The following GNG2 variants were observed in gnomAD, a reference collection of about 807,000 sequenced individuals.
The protein encoded by GNG2 is guanine nucleotide-binding protein G(I)/G(S)/G(O) subunit gamma-2.
A neutral mutation model predicts 5.5 loss-of-function variants in GNG2; 5 were observed. The ratio of observed to expected loss-of-function variants is 0.91; its 90% CI spans 0.48 to 1.92. The LOEUF is 1.92. GNG2 is among the 30% of genes most tolerant of loss of function. The pLI is 0.01. For synonymous variants in GNG2, 28 were observed against 32.0 expected (o/e 0.88, Z 0.42); for missense variants, 55 against 88.4 (o/e 0.62, Z 1.52).
chr14:51,934,087 T>G (rs1048577160), intron 2 of GNG2, among the ~76,000 whole-genome samples: 1 of 152,150 alleles, frequency 6.6e-6, no homozygotes, highest in African/African-American at 2.4e-5. Flanking sequence ...TCAGCCAGTA[T>G]GATGGAGAAA....
At chr14:51,894,942 A>G (rs1594886909) in intron 2 of GNG2, among the ~76,000 whole-genome samples, 1 of 152,140 alleles carries the variant, frequency 6.6e-6, no homozygotes, top group Non-Finnish European at 1.5e-5. Context: ...AAAATCTTCA[A>G]TAACATAGCC....
intron 2 of GNG2, among the ~76,000 whole-genome samples, chr14:51,890,009 T>C (rs958677601): frequency 1.1e-4 from 16 of 152,006 alleles, no homozygotes; most frequent in African/African-American, 3.9e-4. Context: ...TACAACTGAG[T>C]GAGTAAAATA....
At chr14:51,935,062 T>C (rs1887904926) in intron 2 of GNG2, among the ~76,000 whole-genome samples, 1 of 148,896 alleles carries the variant, frequency 6.7e-6, no homozygotes, top group South Asian at 2.1e-4. Flanking sequence ...TCTCGCTCTG[T>C]TGCCCAGGCC....
At chr14:51,852,770 C>T (rs1256245556) in intron 2 of GNG2, among the ~76,000 whole-genome samples, 2 of 152,204 alleles carry the variant, frequency 1.3e-5, no homozygotes, top group African/African-American at 4.8e-5. Context: ...TAACGGAAAT[C>T]ATTTTAGCAA....
At chr14:51,859,552 T>A (rs1306657292), upstream of GNG2, among the ~76,000 whole-genome samples, 1 of 152,218 alleles carries the variant, frequency 6.6e-6, no homozygotes, top group East Asian at 1.9e-4. Flanking sequence ...ATTAGCACCT[T>A]GTATACCATC....
At chr14:51,960,062 AAAT>A (rs1370641994) in intron 3 of GNG2, among the ~76,000 whole-genome samples, 1 of 151,988 alleles carries the variant, frequency 6.6e-6, no homozygotes, top group East Asian at 1.9e-4. Flanking sequence ...TTATATCTTC[AAAT>A]ATTTTTTCTT....
At chr14:51,838,458 G>A (rs2884135) in intron 2 of GNG2, among the ~76,000 whole-genome samples, 40,410 of 151,800 alleles carry the variant, frequency 0.27, 6,471 homozygotes, top group Non-Finnish European at 0.37. Flanking sequence ...AAAAAAGGGG[G>A]GGTTATTAAT....
intron 2 of GNG2, among the ~76,000 whole-genome samples, chr14:51,881,308 A>T (rs990503382): frequency 6.6e-6 from 1 of 152,208 alleles, no homozygotes; most frequent in African/African-American, 2.4e-5. Flanking sequence ...AATATTAGGA[A>T]GACTATCTGG....
At chr14:51,837,447 C>A (rs1053399565) in intron 2 of GNG2, among the ~76,000 whole-genome samples, 1 of 151,768 alleles carries the variant, frequency 6.6e-6, no homozygotes, top group African/African-American at 2.4e-5. Flanking sequence ...GATTTGGAGA[C>A]CAGTCTTGCC....
intron 2 of GNG2, chr14:51,939,764 C>G (rs575175218): frequency 6.7e-6 from 1 of 149,140 alleles, no homozygotes; most frequent in South Asian, 2.1e-4. Context: ...TGCATTTGCT[C>G]TCCCTGTGCC....
At chr14:51,890,900 T>C (rs895628831) in intron 2 of GNG2, among the ~76,000 whole-genome samples, 1 of 151,956 alleles carries the variant, frequency 6.6e-6, no homozygotes, top group African/African-American at 2.4e-5. Flanking sequence ...ATACACATGG[T>C]ATATGAAATT....
chr14:51,839,250 A>C (rs1250186204), intron 2 of GNG2, among the ~76,000 whole-genome samples: 1 of 152,206 alleles, frequency 6.6e-6, no homozygotes, highest in Non-Finnish European at 1.5e-5. Context: ...CAATCAACAC[A>C]TGTAAGATGA....
chr14:51,915,817 A>C lies in GNG2; in HGVS notation c.-29-34833A>C, dbSNP rs1427131902. ...TGTGAATTATGGGTCTGTGTTTAGAACTTAGGAAACAGCTGCTGTACTCTG... is the reference window on the plus strand; with the variant it reads ...TGTGAATTATGGGTCTGTGTTTAGACCTTAGGAAACAGCTGCTGTACTCTG... On this transcript the variant is annotated intron_variant, in intron 2 of 3. Coordinates refer to ENST00000556766, the MANE Select transcript of GNG2 (RefSeq NM_053064.5). Among the ~76,000 whole-genome samples the C allele has an allele frequency of 4.6e-5, 7 of 152,334 alleles. No homozygotes were observed. In the East Asian group the frequency reaches 1.2e-3, roughly 25 times the overall value.
chr14:51,952,114 T>C, intron 3 of GNG2: 1 of 570,954 alleles, frequency 1.8e-6, no homozygotes, highest in South Asian at 2.2e-5. Flanking sequence ...AGGAGTTTAC[T>C]TCTGCTAAGT....
intron 2 of GNG2, among the ~76,000 whole-genome samples, chr14:51,843,470 G>A (rs1458661497): frequency 6.6e-6 from 1 of 152,108 alleles, no homozygotes; most frequent in Non-Finnish European, 1.5e-5. Context: ...CTTGATGCAT[G>A]TAGGGCTTAA....
intron 2 of GNG2, among the ~76,000 whole-genome samples, chr14:51,920,498 C>G (rs1355145430): frequency 1.3e-5 from 2 of 151,886 alleles, no homozygotes; most frequent in Non-Finnish European, 2.9e-5. Context: ...TATTTTCAAT[C>G]TATGGTTGGT....
At chr14:51,945,154 A>T (rs1888571660) in intron 2 of GNG2, among the ~76,000 whole-genome samples, 1 of 151,574 alleles carries the variant, frequency 6.6e-6, no homozygotes, top group Non-Finnish European at 1.5e-5. Flanking sequence ...GAAAATAACA[A>T]GTGTTACCAT....
chr14:51,856,169 C>T (rs754612090), upstream of GNG2, among the ~76,000 whole-genome samples: 3 of 151,888 alleles, frequency 2.0e-5, no homozygotes, highest in Non-Finnish European at 4.4e-5. Flanking sequence ...CAGAGCAAGA[C>T]AGTCTCAAAA....
chr14:51,944,619 T>C (rs1234751262), intron 2 of GNG2, among the ~76,000 whole-genome samples: 5 of 152,144 alleles, frequency 3.3e-5, no homozygotes, highest in East Asian at 1.9e-4. Flanking sequence ...AAGAATGAAG[T>C]TGGCCGTAAC....
Sources: gnomAD v4.1 joint callset for allele counts (sites outside exome capture counted in the v4.1 genomes callset) on GRCh38, gnomAD v4.1.1 for gene constraint, MANE v1.5 for transcripts, NCBI Gene and HGNC (gene_info 2026-07-23, HGNC 2026-07-21) for gene names.